UTP14A: variants seen among roughly 807,000 people sequenced by gnomAD.
The protein encoded by UTP14A is U3 small nucleolar RNA-associated protein 14 homolog A.
In UTP14A, 5 loss-of-function variants were observed where a neutral mutation model predicts 57.2. That is an observed-to-expected ratio of 0.09 (90% CI 0.05 to 0.18). UTP14A has a LOEUF of 0.18. Among genes scored for constraint, UTP14A ranks in the 10% least tolerant of loss-of-function variants. The pLI, the probability that UTP14A is intolerant of heterozygous loss-of-function variation, is 1.00. For synonymous variants in UTP14A, 169 were observed against 210.9 expected, an observed-to-expected ratio of 0.80 and a Z score of 1.72; for missense variants, 430 against 562.1, an observed-to-expected ratio of 0.76 and a Z score of 2.38.
intron 11 of UTP14A, 60 bp downstream of exon 11, chrX:129,921,647 A>G (rs759145770): frequency 6.4e-6 from 7 of 1,096,900 alleles, no homozygotes; most frequent in Non-Finnish European, 8.4e-6. Context: ...CTATGGGAGA[A>G]AAAAAAAATG....
rs771727520 is a variant in UTP14A, at chrX:129,908,128, T to C, written c.171T>C (p.Asn57=). 5.0e-6 allele frequency: 6 copies of C among 1,199,879 alleles called. No homozygotes were observed. The highest frequency in any genetic ancestry group is 3.0e-5 in the East Asian group (1 of 33,612). ...CAATCAGTTCCCTTGATGGAAAGAA[T>C]AGGTAACGTTCCCGTCAGTTAGGGC... ...LEAISSLDGK[N]RRKLAERSEA... is the part of the protein sequence containing the mutation. Residue 57 remains asparagine, a splice_region_variant and synonymous_variant, in exon 3 of 15, where the codon AAT becomes AAC. Coordinates refer to ENST00000394422, the MANE Select transcript of UTP14A (RefSeq NM_006649.4).
chrX:129,906,417 A>ACT, intron 1 of UTP14A, among the ~76,000 whole-genome samples, 181 bp downstream of exon 1: 1 of 110,430 alleles, frequency 9.1e-6, no homozygotes, highest in East Asian at 2.8e-4. Flanking sequence ...TCATTCGCTT[A>ACT]CTCCGCTCCT....
chrX:129,926,417 C>T (rs1930109984), intron 14 of UTP14A, 78 bp downstream of exon 14: 2 of 906,417 alleles, frequency 2.2e-6, no homozygotes, highest in Non-Finnish European at 3.2e-6. Flanking sequence ...TTCTAGTGAT[C>T]TGTAGTCAAG....
intron 4 of UTP14A, 50 bp from the exon 5 acceptor site, chrX:129,910,958 A>G (rs1929444069): frequency 8.4e-7 from 1 of 1,195,551 alleles, no homozygotes; most frequent in Non-Finnish European, 1.1e-6. Flanking sequence ...CATTATATTG[A>G]GATCTTGTCT....
chrX:129,924,461 A>G (rs776025987), intron 11 of UTP14A, among the ~76,000 whole-genome samples: 2 of 107,499 alleles, frequency 1.9e-5, no homozygotes, highest in Non-Finnish European at 3.8e-5. Context: ...AATTTTTTGT[A>G]TTTTTAGTAG....
intron 6 of UTP14A, among the ~76,000 whole-genome samples, chrX:129,912,464 A>G (rs749263294): frequency 1.8e-5 from 2 of 109,577 alleles, no homozygotes; most frequent in African/African-American, 3.3e-5. Flanking sequence ...AGTACTTGCT[A>G]TTTCCATGTT....
At position 129,920,519 on chromosome X, in the gene UTP14A, G is replaced by C. The variant is rs139643161; in HGVS notation, c.815G>C (p.Arg272Pro). The C allele has an allele frequency of 8.2e-7, 1 of 1,212,126 alleles. No homozygotes were observed. The highest frequency in any genetic ancestry group is 1.1e-6 in the Non-Finnish European group (1 of 895,556). Residue 272 changes from arginine to proline, a missense_variant, in exon 9 of 15, where the codon CGG (arginine) becomes CCG (proline). By Grantham distance (103) the Arg-to-Pro change is moderately radical. Transcript: ENST00000394422. The part of the protein sequence containing the change: ...KKALKEFEQL[R>P]KVNPAAALEE... ...GCCCTAAAAGAGTTTGAGCAGCTGC[G>C]GAAGGTTAATCCAGCTGCAGCACTA... is the stretch of plus-strand genomic sequence containing the variant.
chrX:129,915,524 C>CA (rs778079199), intron 6 of UTP14A, among the ~76,000 whole-genome samples: 967 of 39,284 alleles, frequency 0.025, 32 homozygotes, highest in East Asian at 0.16. Flanking sequence ...GACTCTGTCT[C>CA]AAAAAAAAAA....
rs925009957 is a variant in UTP14A, at chrX:129,907,386, C to G, written c.46C>G (p.Gln16Glu). 6 of 1,207,398 alleles carry G rather than the reference C, an allele frequency of 5.0e-6. No homozygotes were observed. Among genetic ancestry groups the G allele is most frequent in the Non-Finnish European group, 6.7e-6 (6 of 894,487 alleles). The change falls in exon 2 of 15, where the codon CAG becomes GAG. Residue 16 changes from glutamine to glutamate, a missense_variant. Gln to Glu is a conservative substitution (Grantham distance 29). Transcript: ENST00000394422. ...TAACAGCCTTCTGGCTTTGAGCCAACAGGAAGAACTAGCGGATTTGCCAAA... is the reference window on the plus strand; with the variant it reads ...TAACAGCCTTCTGGCTTTGAGCCAAGAGGAAGAACTAGCGGATTTGCCAAA... Reference protein sequence around the residue: ...LAESLLALSQQEELADLPKDY... With the variant: ...LAESLLALSQEEELADLPKDY...
chrX:129,921,606 G>A lies in UTP14A; in HGVS notation c.1348+19G>A, dbSNP rs1390516218. ...ACAAAAGGTGAGCTGTGATCAAATG[G>A]AAGAGGGAAATTCCTAGTGCTGTGG... is the stretch of plus-strand genomic sequence containing the variant. On this transcript the variant is annotated intron_variant, in intron 11 of 14. Transcript: ENST00000394422. The A allele has an allele frequency of 8.4e-7, 1 of 1,197,278 alleles. No individual in the cohort carries two copies. The highest frequency in any genetic ancestry group is 3.0e-5 in the East Asian group (1 of 33,634).
At chrX:129,908,356 T>C in intron 3 of UTP14A, 1 of 417,742 alleles carries the variant, frequency 2.4e-6, no homozygotes. Context: ...GTAGGCATTA[T>C]TTAACCCCAT....
At chrX:129,912,945 G>A (rs960109878) in intron 6 of UTP14A, among the ~76,000 whole-genome samples, 1 of 111,822 alleles carries the variant, frequency 8.9e-6, no homozygotes, top group South Asian at 3.7e-4. Context: ...TGGGATTGGG[G>A]GTGAAATGGT....
intron 6 of UTP14A, among the ~76,000 whole-genome samples, chrX:129,913,879 G>C: frequency 8.9e-6 from 1 of 111,788 alleles, no homozygotes; most frequent in Non-Finnish European, 1.9e-5. Context: ...TACTAGGGGG[G>C]CTGAGGCAGG....
Position 129,929,575 on chromosome X carries a change from C to CA in UTP14A, c.2289dup (p.Gln764ThrfsTer20). 1 of 1,210,705 alleles carries CA rather than the reference C, an allele frequency of 8.3e-7. No homozygotes were observed. Among genetic ancestry groups the CA allele is most frequent in the South Asian group, 1.8e-5 (1 of 56,902 alleles). On this transcript the variant is annotated frameshift_variant, in exon 15 of 15. Coordinates refer to ENST00000394422, the MANE Select transcript of UTP14A (RefSeq NM_006649.4). LOFTEE classifies it high-confidence loss of function. The stretch of plus-strand genomic sequence containing the variant: ...ATCCAAAACGAATCACCACACGTCA[C>CA]AAAAAACAGCTGAAGAAATGCTCTG...
At chrX:129,921,747 A>G (rs1929925098) in intron 11 of UTP14A, 160 bp downstream of exon 11, 4 of 562,399 alleles carry the variant, frequency 7.1e-6, no homozygotes, top group African/African-American at 4.7e-5. Context: ...AATTAGATTC[A>G]TAACTATTTT....
chrX:129,929,302 T>C, intron 14 of UTP14A, 34 bp from the exon 15 acceptor site: 1 of 1,201,201 alleles, frequency 8.3e-7, no homozygotes, highest in East Asian at 3.0e-5. Context: ...ACCCCAGGCC[T>C]GCCTCATACC....
rs1423028648 is a variant in UTP14A at position 129,926,169 on chromosome X, G to A, written c.1943+57G>A. 11 of 1,206,576 alleles carry A rather than the reference G, an allele frequency of 9.1e-6. No homozygotes were observed. The Admixed American group carries it at 1.1e-4, about 12-fold the overall frequency. On this transcript the variant is annotated intron_variant, in intron 13 of 14. Transcript: ENST00000394422. ...GCACCGGGTTCTCCCCTCGCCCTTCGGTGTCCTCCCTACCCTTTTGACTAA... is the reference window on the plus strand; with the variant it reads ...GCACCGGGTTCTCCCCTCGCCCTTCAGTGTCCTCCCTACCCTTTTGACTAA...
chrX:129,924,739 G>A (rs1442102143), intron 11 of UTP14A, 56 bp from the exon 12 acceptor site: 24 of 1,157,534 alleles, frequency 2.1e-5, no homozygotes, highest in Non-Finnish European at 2.5e-5. Flanking sequence ...AATGCTTACC[G>A]ACCAGACAAC....
intron 11 of UTP14A, 122 bp downstream of exon 11, chrX:129,921,709 G>C (rs1439088659): frequency 1.4e-6 from 1 of 733,496 alleles, no homozygotes; most frequent in Non-Finnish European, 1.9e-6. Context: ...GGACTTGCAA[G>C]AGTGCGTACA....
Sources: allele counts gnomAD v4.1 joint callset (sites outside exome capture counted in the v4.1 genomes callset), GRCh38; gene constraint gnomAD v4.1.1; transcripts MANE v1.5; gene names NCBI Gene and HGNC (gene_info 2026-07-23, HGNC 2026-07-21).